Variants in CLEC17A observed in about 807,000 individuals in gnomAD.
The protein encoded by CLEC17A is C-type lectin domain containing 17A.
CLEC17A carries 37 observed loss-of-function variants against 61.3 expected under a neutral mutation model. That is an observed-to-expected ratio of 0.60 (90% CI 0.46 to 0.79). CLEC17A has a LOEUF of 0.79. CLEC17A is among the 30% of genes least tolerant of loss of function. The pLI, the probability that CLEC17A is intolerant of heterozygous loss-of-function variation, is 0.00. For synonymous variants in CLEC17A, 168 were observed against 164.9 expected, an observed-to-expected ratio of 1.02 and a Z score of -0.14; for missense variants, 418 against 464.7, an observed-to-expected ratio of 0.90 and a Z score of 0.92.
chr19:14,582,965 ATG>A (rs35999236), upstream of CLEC17A: 69,287 of 456,502 alleles, frequency 0.15, no homozygotes, highest in East Asian at 0.23. Flanking sequence ...CTCTGTGTGT[ATG>A]TGTGTGTGTG....
intron 12 of CLEC17A, among the ~76,000 whole-genome samples, chr19:14,605,902 C>T (rs1414653625): frequency 6.6e-6 from 1 of 152,014 alleles, no homozygotes; most frequent in Non-Finnish European, 1.5e-5. Flanking sequence ...CCACGTCTGG[C>T]TAATTTTTAA....
intron 13 of CLEC17A, among the ~76,000 whole-genome samples, chr19:14,608,419 G>A (rs1308455258): frequency 6.6e-6 from 1 of 152,054 alleles, no homozygotes; most frequent in African/African-American, 2.4e-5. Context: ...CATCCTTGCA[G>A]TCCAAGCTGA....
intron 12 of CLEC17A, among the ~76,000 whole-genome samples, chr19:14,600,891 CTTTTTTTTTTTTTTTT>C (rs71166763): frequency 3.2e-5 from 2 of 63,182 alleles, no homozygotes; most frequent in South Asian, 6.2e-4. Context: ...GCTCGGCCTT[CTTTTTTTTTTTTTTTT>C]TTTTTTTTTT....
At chr19:14,598,683 C>G (rs1204858423) in intron 10 of CLEC17A, among the ~76,000 whole-genome samples, 1 of 152,084 alleles carries the variant, frequency 6.6e-6, no homozygotes, top group Non-Finnish European at 1.5e-5. Context: ...CCCTGTTGGC[C>G]AGGCTGGTCT....
chr19:14,586,162 G>A (rs1430058230), intron 2 of CLEC17A, among the ~76,000 whole-genome samples: 1 of 126,970 alleles, frequency 7.9e-6, no homozygotes, highest in East Asian at 2.2e-4. Context: ...TTTCACTCTT[G>A]CTGCCCAGGC....
intron 12 of CLEC17A, among the ~76,000 whole-genome samples, chr19:14,604,297 T>C (rs996914562): frequency 6.6e-6 from 1 of 152,138 alleles, no homozygotes; most frequent in Admixed American, 6.6e-5. Flanking sequence ...GATACCAGAT[T>C]CTTCTCTCTG....
chr19:14,600,518 AAC>A (rs1226545247), intron 12 of CLEC17A, among the ~76,000 whole-genome samples: 41 of 152,286 alleles, frequency 2.7e-4, no homozygotes, highest in African/African-American at 8.4e-4. Flanking sequence ...TACAGTCATT[AAC>A]ACATGCAATC....
Position 14,610,462 on chromosome 19 carries a change from AT to A in CLEC17A, c.*267del. On this transcript the variant is annotated 3_prime_UTR_variant, in exon 14 of 14. Transcript: ENST00000417570. ...GTCTCCCACTTCTGGGGTTGAAAGGATCTTCACTAAGTTCCTGATCATGACT... is the reference window on the plus strand; with the variant it reads ...GTCTCCCACTTCTGGGGTTGAAAGGACTTCACTAAGTTCCTGATCATGACT... 4.3e-6 allele frequency: 2 copies of A among 467,422 alleles called. No individual in the cohort carries two copies. Among genetic ancestry groups the A allele is most frequent in the South Asian group, 4.6e-5 (2 of 43,062 alleles). The allele number at this position is 467,422 out of a possible 1,614,324, so 29.0% of individuals were successfully genotyped here.
chr19:14,605,484 A>C (rs1231587651), intron 12 of CLEC17A, among the ~76,000 whole-genome samples: 1 of 152,172 alleles, frequency 6.6e-6, no homozygotes, highest in Non-Finnish European at 1.5e-5. Flanking sequence ...CAGATCTTTG[A>C]TGTATGTTCA....
At chr19:14,584,282 GT>G (rs1252196307) in intron 2 of CLEC17A, 2 of 152,072 alleles carry the variant, frequency 1.3e-5, no homozygotes, top group African/African-American at 4.8e-5. Flanking sequence ...CTGAGGAGGG[GT>G]TTCCAGGTTG....
chr19:14,607,067 C>T lies in CLEC17A; in HGVS notation c.969C>T (p.Asp323=). 7.5e-7 allele frequency: 1 copy of T among 1,338,508 alleles called. No individual in the cohort carries two copies. 82.9% of individuals were successfully genotyped at this position (1,338,508 alleles called of 1,614,324 possible). A position where few individuals can be genotyped will look rare whatever the true frequency, so the allele number is the denominator to read the frequency against. Residue 323 remains aspartate (D), a synonymous_variant, in exon 13 of 14, where the codon GAC becomes GAT. Transcript: ENST00000417570. ...LGLNDRAQEG[D]WRWLDGSPVT... The stretch of plus-strand genomic sequence containing the variant: ...TGAATGACAGGGCCCAGGAAGGGGA[C>T]TGGAGGTGGCTGGATGGGTCTCCTG...
chr19:14,587,746 G>A (rs2074319596), intron 3 of CLEC17A, 55 bp downstream of exon 3: 1 of 1,605,702 alleles, frequency 6.2e-7, no homozygotes, highest in Non-Finnish European at 8.5e-7. Flanking sequence ...GGGGTCTCCA[G>A]TGGGCATTGG....
intron 8 of CLEC17A, among the ~76,000 whole-genome samples, chr19:14,596,222 A>G (rs971539106): frequency 2.6e-5 from 4 of 151,982 alleles, no homozygotes; most frequent in African/African-American, 9.7e-5. Context: ...CATAGATATT[A>G]AGAACAAAGC....
At chr19:14,582,258 G>T (rs7255886), upstream of CLEC17A, among the ~76,000 whole-genome samples, 26,170 of 150,116 alleles carry the variant, frequency 0.17, 3,664 homozygotes, top group African/African-American at 0.39. Context: ...TGTCACCCAG[G>T]CTGGAGTGCA....
chr19:14,581,073 A>G (rs1025366083), upstream of CLEC17A, among the ~76,000 whole-genome samples: 3 of 152,146 alleles, frequency 2.0e-5, no homozygotes, highest in African/African-American at 4.8e-5. Flanking sequence ...TAAGAAATAC[A>G]TTCTATTTTG....
chr19:14,586,851 G>A (rs1309887250), intron 2 of CLEC17A, among the ~76,000 whole-genome samples: 1 of 151,614 alleles, frequency 6.6e-6, no homozygotes, highest in Non-Finnish European at 1.5e-5. Flanking sequence ...GGGGAGGTGG[G>A]TGGCTGTTGT....
At chr19:14,597,035 C>T in intron 9 of CLEC17A, 22 bp downstream of exon 9, 7 of 1,610,890 alleles carry the variant, frequency 4.3e-6, no homozygotes, top group Non-Finnish European at 5.1e-6. Context: ...CAGGAAGGGA[C>T]ATGGGGAGAG....
chr19:14,595,288 C>A lies in CLEC17A; in HGVS notation c.418C>A (p.Pro140Thr). The change falls in exon 8 of 14, where the codon CCT (proline) becomes ACT (threonine). Residue 140 changes from proline (P) to threonine (T), a missense_variant. Transcript: ENST00000417570. ...PPPQLAVNLE[P>T]SPLQPSLAAT... ...CTTTCTCCCAGCTGTGAATCTTGAG[C>A]CTTCTCCATTGCAGCCATCCCTGGC... is the stretch of plus-strand genomic sequence containing the variant. The A allele has an allele frequency of 1.2e-6, 2 of 1,613,950 alleles. No individual in the cohort carries two copies. The highest frequency in any genetic ancestry group is 2.2e-5 in the South Asian group (2 of 91,080).
At chr19:14,608,989 G>A (rs1362311620) in intron 13 of CLEC17A, among the ~76,000 whole-genome samples, 3 of 151,946 alleles carry the variant, frequency 2.0e-5, no homozygotes, top group African/African-American at 7.3e-5. Flanking sequence ...TAGTAGAGAC[G>A]GGGTTTCAAC....
Sources: allele counts gnomAD v4.1 joint callset (sites outside exome capture counted in the v4.1 genomes callset), GRCh38; gene constraint gnomAD v4.1.1; transcripts MANE v1.5; gene names NCBI Gene and HGNC (gene_info 2026-07-23, HGNC 2026-07-21).